COG4: variants seen among roughly 807,000 people sequenced by gnomAD.
COG4 encodes the protein component of oligomeric golgi complex 4.
Under a neutral mutation model 95.1 loss-of-function variants are expected in COG4, and 65 were observed. The observed-to-expected ratio is 0.68, with a 90% confidence interval of 0.56 to 0.84. The LOEUF (loss-of-function observed/expected upper bound fraction) is 0.84, where lower values mean the gene tolerates loss of function less well. Ranked by LOEUF, COG4 falls within the 40% of genes least tolerant of loss-of-function variation. The pLI, the probability that COG4 is intolerant of heterozygous loss-of-function variation, is 0.00. For missense variants in COG4, 1,045 were observed against 989.1 expected, an observed-to-expected ratio of 1.06 and a Z score of -0.76; for synonymous variants, 421 against 374.8, an observed-to-expected ratio of 1.12 and a Z score of -1.42.
chr16:70,523,297 A>AGTTT, intron 1 of COG4, 76 bp downstream of exon 1: 1 of 1,571,360 alleles, frequency 6.4e-7, no homozygotes, highest in East Asian at 2.2e-5. Context: ...AGAGTTTCCC[A>AGTTT]CAGCCCGGAT....
intron 13 of COG4, among the ~76,000 whole-genome samples, chr16:70,486,718 C>T (rs556071968): frequency 1.3e-5 from 2 of 152,228 alleles, no homozygotes; most frequent in East Asian, 3.9e-4. Flanking sequence ...TGATGTCGGC[C>T]GGGCGCCGTG....
At chr16:70,485,956 C>CGCA in intron 13 of COG4, among the ~76,000 whole-genome samples, 3 of 149,642 alleles carry the variant, frequency 2.0e-5, no homozygotes, top group Non-Finnish European at 4.4e-5. Context: ...AGTGCAGTGG[C>CGCA]TTGATCTCGG....
chr16:70,504,568 C>T (rs554552732), intron 8 of COG4, among the ~76,000 whole-genome samples: 13 of 148,624 alleles, frequency 8.7e-5, no homozygotes, highest in African/African-American at 3.0e-4. Flanking sequence ...AATTGAGCCA[C>T]TGCACTCCAG....
Position 70,509,318 on chromosome 16 carries a change from G to A in COG4, c.915C>T (p.Thr305=), listed in dbSNP as rs2049648807. 4 of 1,614,122 alleles carry A rather than the reference G, an allele frequency of 2.5e-6. No individual in the cohort carries two copies. Among genetic ancestry groups the A allele is most frequent in the Non-Finnish European group, 2.5e-6 (3 of 1,180,010 alleles). Residue 305 remains threonine (T), a synonymous_variant, in exon 7 of 19, where the codon ACC becomes ACT. Transcript: ENST00000323786. The part of the protein sequence containing the change: ...ETYYGPGRLY[T]LIKYLQVECD... ...ATTCCACCTGCAGATATTTGATCAG[G>A]GTATAGAGTCTCCCTGGCCCATAAT...
chr16:70,487,334 T>C (rs2049159316), intron 13 of COG4, among the ~76,000 whole-genome samples: 1 of 149,952 alleles, frequency 6.7e-6, no homozygotes, highest in South Asian at 2.1e-4. Flanking sequence ...AGGTGGTTCA[T>C]GCCTGTAATC....
chr16:70,518,994 G>A (rs963776635), intron 2 of COG4, among the ~76,000 whole-genome samples: 8 of 151,064 alleles, frequency 5.3e-5, no homozygotes, highest in African/African-American at 1.7e-4. Flanking sequence ...AAAAAAAAAG[G>A]TGGTTCTCAA....
intron 1 of COG4, chr16:70,523,124 G>A: frequency 1.8e-6 from 1 of 552,634 alleles, no homozygotes; most frequent in Non-Finnish European, 3.2e-6. Context: ...ATGGATCAGG[G>A]AAATCAACGG....
chr16:70,490,894 C>T (rs886507000), intron 12 of COG4, among the ~76,000 whole-genome samples: 2 of 151,954 alleles, frequency 1.3e-5, no homozygotes, highest in Admixed American at 6.6e-5. Context: ...CTCCTGACCT[C>T]ATGATCTGCC....
At chr16:70,489,414 T>TCAC (rs2049199111) in intron 13 of COG4, among the ~76,000 whole-genome samples, 1 of 151,776 alleles carries the variant, frequency 6.6e-6, no homozygotes, top group Admixed American at 6.6e-5. Flanking sequence ...AGATGGGGTT[T>TCAC]CACCATCTTG....
chr16:70,521,666 T>C (rs2049944746), intron 1 of COG4, among the ~76,000 whole-genome samples: 1 of 151,978 alleles, frequency 6.6e-6, no homozygotes, highest in Non-Finnish European at 1.5e-5. Flanking sequence ...ACTGAATGAA[T>C]GCGAGCTTAG....
intron 12 of COG4, among the ~76,000 whole-genome samples, chr16:70,490,965 C>T (rs1021377678): frequency 6.6e-6 from 1 of 151,834 alleles, no homozygotes; most frequent in Non-Finnish European, 1.5e-5. Context: ...GGCGAGGTTT[C>T]AGGTCTTCTT....
chr16:70,514,835 C>T (rs1274364966), intron 3 of COG4, among the ~76,000 whole-genome samples: 1 of 151,356 alleles, frequency 6.6e-6, no homozygotes. Context: ...ACCTCAGCCT[C>T]CCAACTAGCT....
Position 70,509,407 on chromosome 16 carries a change from T to C in COG4, c.845-19A>G. On this transcript the variant is annotated intron_variant, in intron 6 of 18. Transcript: ENST00000323786. ...GCAATCCCTAGAAGGGAGGAAGCAA[T>C]AGGGTTATATTCCAAGTATTCTTCC... The C allele has an allele frequency of 1.2e-6, 2 of 1,613,902 alleles. No homozygotes were observed. The highest frequency in any genetic ancestry group is 1.1e-5 in the South Asian group (1 of 91,076).
At chr16:70,515,823 C>A in intron 3 of COG4, 1 of 329,058 alleles carries the variant, frequency 3.0e-6, no homozygotes, top group Non-Finnish European at 6.0e-6. Context: ...ATGATATTAG[C>A]TGAGGGTTGT....
intron 8 of COG4, among the ~76,000 whole-genome samples, chr16:70,503,110 G>C (rs1156872056): frequency 1.3e-5 from 2 of 152,136 alleles, no homozygotes; most frequent in Non-Finnish European, 2.9e-5. Flanking sequence ...GAGTACAGTG[G>C]CACAATCACA....
At chr16:70,515,853 A>G (rs1034339250) in intron 3 of COG4, 1 of 331,796 alleles carries the variant, frequency 3.0e-6, no homozygotes, top group Non-Finnish European at 5.9e-6. Context: ...AAATTTTTGT[A>G]GGACAGGGTC....
intron 9 of COG4, 85 bp from the exon 10 acceptor site, chr16:70,498,140 T>C (rs1597669059): frequency 6.2e-6 from 5 of 809,226 alleles, no homozygotes; most frequent in Non-Finnish European, 1.1e-5. Context: ...GGTTCCTTTA[T>C]AGTCTTTCTT....
intron 6 of COG4, 105 bp from the exon 7 acceptor site, chr16:70,509,493 G>T: frequency 1.5e-6 from 2 of 1,299,520 alleles, no homozygotes; most frequent in Non-Finnish European, 2.2e-6. Context: ...CCTTTTGGCT[G>T]CTTCACTTTC....
chr16:70,523,107 G>A (rs1015706415), intron 1 of COG4: 2 of 530,250 alleles, frequency 3.8e-6, no homozygotes, highest in Admixed American at 3.2e-5. Context: ...TGGAGAAACT[G>A]GTGATCATGG....
Sources: allele counts gnomAD v4.1 joint callset (sites outside exome capture counted in the v4.1 genomes callset), GRCh38; gene constraint gnomAD v4.1.1; transcripts MANE v1.5; gene names NCBI Gene and HGNC (gene_info 2026-07-23, HGNC 2026-07-21).